Variants in CNTN4 observed in about 807,000 individuals in gnomAD.
CNTN4 encodes the protein contactin-4.
CNTN4 carries 77 observed loss-of-function variants against 122.5 expected under a neutral mutation model. The observed-to-expected ratio is 0.63, with a 90% CI of 0.52 to 0.76. CNTN4 has a LOEUF of 0.76. CNTN4 is among the 30% of genes least tolerant of loss of function. CNTN4 has a pLI of 0.00. For synonymous variants in CNTN4, 512 were observed against 447.0 expected, an observed-to-expected ratio of 1.15 and a Z score of -1.83; for missense variants, 1,256 against 1,259.1, an observed-to-expected ratio of 1.00 and a Z score of 0.04.
At chr3:2,129,604 A>G (rs1482950554) in intron 2 of CNTN4, among the ~76,000 whole-genome samples, 1 of 152,004 alleles carries the variant, frequency 6.6e-6, no homozygotes, top group African/African-American at 2.4e-5. Flanking sequence ...GCTCTCTGAA[A>G]AATTCATGAA....
chr3:2,705,241 G>T lies in CNTN4; in HGVS notation c.56-30974G>T, dbSNP rs986468759. On this transcript the variant is annotated intron_variant, in intron 4 of 24. Coordinates refer to ENST00000418658, the MANE Select transcript of CNTN4 (RefSeq NM_175607.3). ...AAATTAGCTGGGCGTAGTGGCGGGC[G>T]CCTGTAGTCCCAGCTACTCGGGAAG... is the stretch of plus-strand genomic sequence containing the variant. 4.0e-5 allele frequency among the ~76,000 whole-genome samples: 6 copies of T among 148,488 alleles called. No homozygotes were observed. The East Asian group carries it at 1.2e-3, about 30-fold the overall frequency.
At chr3:2,606,327 C>T (rs2081259452) in intron 4 of CNTN4, among the ~76,000 whole-genome samples, 1 of 151,930 alleles carries the variant, frequency 6.6e-6, no homozygotes, top group African/African-American at 2.4e-5. Context: ...TACACTGGGG[C>T]CTGTGGTAGG....
At chr3:2,149,778 T>C (rs2035412037) in intron 2 of CNTN4, among the ~76,000 whole-genome samples, 1 of 152,112 alleles carries the variant, frequency 6.6e-6, no homozygotes, top group African/African-American at 2.4e-5. Flanking sequence ...ATAACCAGGT[T>C]GTATAGTTGT....
chr3:2,990,270 G>C (rs1353963349), intron 14 of CNTN4, among the ~76,000 whole-genome samples: 2 of 152,132 alleles, frequency 1.3e-5, no homozygotes, highest in Non-Finnish European at 2.9e-5. Context: ...TATTTGTTTT[G>C]TTGTTTATAT....
intron 3 of CNTN4, among the ~76,000 whole-genome samples, chr3:2,542,970 TAATAG>T (rs1461794214): frequency 6.6e-6 from 1 of 152,116 alleles, no homozygotes; most frequent in Admixed American, 6.6e-5. Context: ...GAACATGCAC[TAATAG>T]AATAGAAGTG....
At chr3:3,033,134 G>C (rs1176863382) in intron 16 of CNTN4, among the ~76,000 whole-genome samples, 1 of 152,032 alleles carries the variant, frequency 6.6e-6, no homozygotes, top group Non-Finnish European at 1.5e-5. Flanking sequence ...CATCAGTGCA[G>C]CATCCATTAA....
At chr3:2,255,013 T>C (rs2040522901) in intron 2 of CNTN4, among the ~76,000 whole-genome samples, 1 of 152,184 alleles carries the variant, frequency 6.6e-6, no homozygotes, top group African/African-American at 2.4e-5. Flanking sequence ...GTTTTTATAG[T>C]TTTAGGTCTT....
intron 6 of CNTN4, among the ~76,000 whole-genome samples, chr3:2,763,005 G>C (rs1345639974): frequency 2.8e-5 from 4 of 141,064 alleles, no homozygotes; most frequent in African/African-American, 5.3e-5. Flanking sequence ...GCAGTGGCTC[G>C]ATCTCAGCTC....
chr3:2,352,296 C>T lies in CNTN4; in HGVS notation c.-89+13063C>T, dbSNP rs938838633. Among the ~76,000 whole-genome samples the T allele has an allele frequency of 1.1e-4, 16 of 152,294 alleles. 1 individual carries two copies. The highest frequency in any genetic ancestry group is 3.8e-4 in the African/African-American group (16 of 41,572). On this transcript the variant is annotated intron_variant, in intron 3 of 24. Transcript: ENST00000418658. ...GGCCAAGGCGTCCACTCTGGCCGCA[C>T]TTGAGGAACACTTCAGCCTGCCGCT...
chr3:2,959,346 A>G (rs1345925146), intron 13 of CNTN4, among the ~76,000 whole-genome samples: 1 of 152,232 alleles, frequency 6.6e-6, no homozygotes, highest in Non-Finnish European at 1.5e-5. Flanking sequence ...TGCTATCTAT[A>G]GAGCGTCTGT....
chr3:2,845,205 T>G (rs2150567628), intron 7 of CNTN4, among the ~76,000 whole-genome samples: 1 of 152,284 alleles, frequency 6.6e-6, no homozygotes, highest in South Asian at 2.1e-4. Context: ...AAGACAATTA[T>G]AATTCATACT....
intron 4 of CNTN4, among the ~76,000 whole-genome samples, chr3:2,724,533 C>T (rs1033080101): frequency 3.3e-5 from 5 of 152,192 alleles, no homozygotes; most frequent in African/African-American, 4.8e-5. Context: ...CTCCCTTTCA[C>T]GCTTCCTAGT....
intron 2 of CNTN4, among the ~76,000 whole-genome samples, chr3:2,281,077 G>A (rs2041697390): frequency 6.6e-6 from 1 of 152,186 alleles, no homozygotes; most frequent in South Asian, 2.1e-4. Flanking sequence ...GACCTAACAA[G>A]CAAAGTTACA....
At chr3:2,880,627 G>A (rs549547443) in intron 8 of CNTN4, among the ~76,000 whole-genome samples, 1 of 152,244 alleles carries the variant, frequency 6.6e-6, no homozygotes, top group Non-Finnish European at 1.5e-5. Context: ...TCAGACAGCA[G>A]AGGCTAGCCC....
chr3:2,653,092 G>T (rs751650496), intron 4 of CNTN4, among the ~76,000 whole-genome samples: 3 of 151,912 alleles, frequency 2.0e-5, no homozygotes, highest in African/African-American at 4.8e-5. Flanking sequence ...TTTTTGTGTG[G>T]CTTATAAATC....
chr3:2,237,881 A>G (rs189932261), intron 2 of CNTN4, among the ~76,000 whole-genome samples: 1 of 152,188 alleles, frequency 6.6e-6, no homozygotes, highest in Non-Finnish European at 1.5e-5. Flanking sequence ...ATTAGCCTAT[A>G]GGCCATTATT....
At chr3:2,593,748 C>T (rs1285468204) in intron 4 of CNTN4, among the ~76,000 whole-genome samples, 2 of 152,018 alleles carry the variant, frequency 1.3e-5, no homozygotes, top group Non-Finnish European at 2.9e-5. Flanking sequence ...TGATTAAAGC[C>T]AGTTTTGCCT....
intron 13 of CNTN4, among the ~76,000 whole-genome samples, chr3:2,935,684 T>A (rs367704736): frequency 3.2e-4 from 48 of 152,208 alleles, no homozygotes; most frequent in African/African-American, 1.1e-3. Flanking sequence ...TACCAGAGAC[T>A]TTTTTTTATC....
chr3:2,353,766 G>T (rs937384154), intron 3 of CNTN4, among the ~76,000 whole-genome samples: 58 of 152,194 alleles, frequency 3.8e-4, no homozygotes, highest in Non-Finnish European at 7.6e-4. Context: ...GGGTGTGGTG[G>T]CGGGCGCCTG....
Sources: allele counts gnomAD v4.1 joint callset (sites outside exome capture counted in the v4.1 genomes callset), GRCh38; gene constraint gnomAD v4.1.1; transcripts MANE v1.5; gene names NCBI Gene and HGNC (gene_info 2026-07-23, HGNC 2026-07-21).